Variants in DPP6 observed in about 807,000 individuals in gnomAD.
DPP6 encodes A-type potassium channel modulatory protein DPP6.
In DPP6, 69 loss-of-function variants were observed where a neutral mutation model predicts 122.6. That is an observed-to-expected ratio of 0.56 (90% CI 0.46 to 0.69). DPP6 has a LOEUF of 0.69. Ranked by LOEUF, DPP6 falls within the 30% of genes least tolerant of loss-of-function variation. The probability of loss-of-function intolerance (pLI) is 0.00; values close to 1 mark genes in which losing one functional copy is unlikely to be tolerated. For synonymous variants in DPP6, 418 were observed against 433.1 expected, an observed-to-expected ratio of 0.97 and a Z score of 0.43; for missense variants, 928 against 1,116.9, an observed-to-expected ratio of 0.83 and a Z score of 2.41.
At chr7:153,844,462 C>A in the DPP6 span, among the ~76,000 whole-genome samples, 2 of 152,190 alleles carry the variant, frequency 1.3e-5, no homozygotes, top group African/African-American at 4.8e-5. Flanking sequence ...GATTAGATAA[C>A]CCCTCAGAGA....
intron 1 of DPP6, among the ~76,000 whole-genome samples, chr7:153,977,198 G>GCT (rs1554424794): frequency 6.7e-6 from 1 of 149,630 alleles, no homozygotes; most frequent in Admixed American, 6.6e-5. Context: ...TACCAATAGG[G>GCT]GTGTGTGTGT....
intron 11 of DPP6, 120 bp from the exon 12 acceptor site, chr7:154,795,725 C>T (rs1367848951): frequency 7.2e-6 from 10 of 1,388,032 alleles, no homozygotes; most frequent in Middle Eastern, 1.8e-4. Flanking sequence ...GCTTGTGCAG[C>T]GGCCATGTAG....
intron 5 of DPP6, among the ~76,000 whole-genome samples, chr7:154,623,849 C>T: frequency 6.6e-6 from 1 of 152,314 alleles, no homozygotes; most frequent in African/African-American, 2.4e-5. Flanking sequence ...AAACTTACCC[C>T]AAAGTATTTA....
chr7:153,803,846 C>CACACACACACACACAT, the DPP6 span, among the ~76,000 whole-genome samples: 1 of 146,476 alleles, frequency 6.8e-6, no homozygotes, highest in South Asian at 2.1e-4. Context: ...TGTACATACA[C>CACACACACACACACAT]ACACACACAT....
intron 10 of DPP6, among the ~76,000 whole-genome samples, chr7:154,789,566 CTG>C (rs756796911): frequency 1.3e-5 from 2 of 152,208 alleles, no homozygotes; most frequent in East Asian, 1.9e-4. Flanking sequence ...TTCATCATTT[CTG>C]TGTGTCTCTT....
At chr7:154,858,589 G>A (rs1803036208) in intron 17 of DPP6, 1 of 152,482 alleles carries the variant, frequency 6.6e-6, no homozygotes, top group Non-Finnish European at 1.5e-5. Context: ...GCTCTGGGGT[G>A]AGCGTGCGGC....
chr7:154,027,554 C>T (rs1451659360), intron 1 of DPP6, among the ~76,000 whole-genome samples: 1 of 152,150 alleles, frequency 6.6e-6, no homozygotes, highest in Non-Finnish European at 1.5e-5. Context: ...CACCTAATCA[C>T]TCCCAAAGTC....
intron 1 of DPP6, among the ~76,000 whole-genome samples, chr7:154,205,548 G>A (rs929446564): frequency 9.2e-5 from 14 of 152,116 alleles, no homozygotes; most frequent in Admixed American, 2.6e-4. Context: ...AAATCCTAGA[G>A]TCCAAATCTG....
In DPP6 at chr7:154,325,911, A is replaced by T. The variant is rs1284822011; in HGVS notation, c.244-120303A>T. Among the ~76,000 whole-genome samples the T allele has an allele frequency of 3.9e-5, 6 of 152,206 alleles. No individual in the cohort carries two copies. In the South Asian group the frequency reaches 6.2e-4, roughly 16 times the overall value. ...TTTTTTGGAGGTTTTGTTGTCAGGA[A>T]CTGCCATATAAGAGGCATGCATCAT... is the stretch of plus-strand genomic sequence containing the variant. On this transcript the variant is annotated intron_variant, in intron 1 of 25. Transcript: ENST00000377770.
At chr7:154,213,940 C>A (rs1337176837) in intron 1 of DPP6, among the ~76,000 whole-genome samples, 1 of 152,126 alleles carries the variant, frequency 6.6e-6, no homozygotes, top group Non-Finnish European at 1.5e-5. Flanking sequence ...CCTCCCTGCT[C>A]ACCAGTAACA....
intron 1 of DPP6, among the ~76,000 whole-genome samples, chr7:154,374,358 G>A (rs1004381328): frequency 3.9e-5 from 6 of 152,216 alleles, no homozygotes; most frequent in African/African-American, 1.4e-4. Flanking sequence ...CTCCCCTGGA[G>A]TGTGGTATCA....
chr7:154,053,895 C>T (rs1800603302), intron 1 of DPP6, among the ~76,000 whole-genome samples: 1 of 147,760 alleles, frequency 6.8e-6, no homozygotes, highest in Non-Finnish European at 1.5e-5. Context: ...GGAGCCGGAC[C>T]TTAGATGGAT....
At chr7:154,061,586 C>T (rs1481623914) in intron 1 of DPP6, among the ~76,000 whole-genome samples, 13 of 145,948 alleles carry the variant, frequency 8.9e-5, no homozygotes, top group Non-Finnish European at 2.0e-4. Flanking sequence ...TCCATCCCCT[C>T]TTCCCCCCTG....
chr7:154,858,938 A>G (rs570683174), intron 17 of DPP6, among the ~76,000 whole-genome samples: 1 of 152,090 alleles, frequency 6.6e-6, no homozygotes, highest in East Asian at 1.9e-4. Context: ...TCAACAATTC[A>G]TCTGAGATCC....
At chr7:154,835,069 A>G (rs1368848620) in intron 16 of DPP6, among the ~76,000 whole-genome samples, 3 of 152,188 alleles carry the variant, frequency 2.0e-5, no homozygotes, top group Admixed American at 6.5e-5. Context: ...AGTGGACCCT[A>G]AGACCTACCT....
chr7:154,096,517 C>G (rs1805333566), intron 1 of DPP6, among the ~76,000 whole-genome samples: 1 of 149,522 alleles, frequency 6.7e-6, no homozygotes, highest in Admixed American at 6.7e-5. Context: ...GAGGCAATAC[C>G]TTTATGCTTT....
In DPP6 at chr7:154,200,104, C is replaced by T. The variant is rs113657668; in HGVS notation, c.243+147041C>T. ...TTCAAAATCAAACACGGAACACATA[C>T]ATCGGTCATCAGTCACATACCATAG... On this transcript the variant is annotated intron_variant, in intron 1 of 25. Coordinates refer to ENST00000377770, the MANE Select transcript of DPP6 (RefSeq NM_130797.4). Among the ~76,000 whole-genome samples, 171 of 152,254 alleles carry T rather than the reference C, an allele frequency of 1.1e-3. 1 individual carries two copies. Among genetic ancestry groups the T allele is most frequent in the African/African-American group, 3.8e-3 (157 of 41,556 alleles).
In DPP6 at chr7:154,880,930, C is replaced by A; in HGVS notation, c.2121C>A (p.Ala707=). 1 of 1,613,904 alleles carries A rather than the reference C, an allele frequency of 6.2e-7. No homozygotes were observed. Among genetic ancestry groups the A allele is most frequent in the Non-Finnish European group, 8.5e-7 (1 of 1,179,874 alleles). The change falls in exon 21 of 26, where the codon GCC becomes GCA. Residue 707 remains alanine (A), a synonymous_variant. Transcript: ENST00000377770. ...KEQYIDRTRV[A]VFGKDYGGYL... The stretch of plus-strand genomic sequence containing the variant: ...AGTACATTGACAGGACGCGCGTGGC[C>A]GTGTTTGGGAAGGTGAGTCTGCGCC...
At chr7:153,869,716 T>C in the DPP6 span, among the ~76,000 whole-genome samples, 1 of 152,336 alleles carries the variant, frequency 6.6e-6, no homozygotes, top group Non-Finnish European at 1.5e-5. Context: ...GTGATTTTGC[T>C]CATTAGTTGA....
Sources: allele counts gnomAD v4.1 joint callset (sites outside exome capture counted in the v4.1 genomes callset), GRCh38; gene constraint gnomAD v4.1.1; transcripts MANE v1.5; gene names NCBI Gene and HGNC (gene_info 2026-07-23, HGNC 2026-07-21).